The following DISC1 variants were observed in gnomAD, a reference collection of about 807,000 sequenced individuals.
DISC1 encodes the protein disrupted in schizophrenia 1 protein.
A neutral mutation model predicts 84.5 loss-of-function variants in DISC1; 57 were observed. The observed-to-expected ratio is 0.67, with a 90% CI of 0.55 to 0.84. DISC1 has a LOEUF of 0.84. Among genes scored for constraint, DISC1 ranks in the 40% least tolerant of loss-of-function variants. The pLI is 0.00. For missense variants in DISC1, 1,000 were observed against 1,057.8 expected, an observed-to-expected ratio of 0.95 and a Z score of 0.76; for synonymous variants, 411 against 415.2, an observed-to-expected ratio of 0.99 and a Z score of 0.12.
chr1:232,005,117 A>G (rs1229394650), intron 10 of DISC1, among the ~76,000 whole-genome samples: 1 of 82,698 alleles, frequency 1.2e-5, no homozygotes, highest in East Asian at 3.0e-4. Flanking sequence ...TTCTTATTAT[A>G]TTTTCTTTCT....
intron 10 of DISC1, among the ~76,000 whole-genome samples, chr1:231,973,629 G>A (rs538893730): frequency 2.0e-5 from 3 of 152,314 alleles, no homozygotes; most frequent in South Asian, 4.1e-4. Flanking sequence ...TGTCTTGTCC[G>A]TGGCAGTCCT....
rs1022126059 is a variant in DISC1, at chr1:231,693,892, A to G, written c.134A>G (p.Tyr45Cys). Residue 45 changes from tyrosine to cysteine, a missense_variant, in exon 2 of 13, where the codon TAC becomes TGC. Coordinates refer to ENST00000439617, the MANE Select transcript of DISC1 (RefSeq NM_018662.3). ...RRRRLARRPG[Y>C]MRSSTGPGIG... ...CGGCGGCTGGCACGGAGGCCGGGCT[A>G]CATGAGAAGCTCGACAGGGCCTGGG... 4.3e-6 allele frequency: 7 copies of G among 1,614,046 alleles called. No homozygotes were observed. Among genetic ancestry groups the G allele is most frequent in the East Asian group, 2.2e-5 (1 of 44,892 alleles).
chr1:231,980,498 A>C (rs954892671), intron 10 of DISC1, among the ~76,000 whole-genome samples: 5 of 152,210 alleles, frequency 3.3e-5, no homozygotes, highest in African/African-American at 1.2e-4. Context: ...AACAACAGTC[A>C]TAATTAATTG....
At chr1:231,980,812 C>T (rs1236207337) in intron 10 of DISC1, among the ~76,000 whole-genome samples, 2 of 152,094 alleles carry the variant, frequency 1.3e-5, no homozygotes, top group Non-Finnish European at 2.9e-5. Context: ...TCCTGGGGTC[C>T]TTTTTTTGAG....
At chr1:231,738,508 A>C (rs1468758173) in intron 3 of DISC1, among the ~76,000 whole-genome samples, 1 of 152,136 alleles carries the variant, frequency 6.6e-6, no homozygotes, top group Non-Finnish European at 1.5e-5. Context: ...GGTTCAGGTC[A>C]TGCAACCCTA....
intron 9 of DISC1, among the ~76,000 whole-genome samples, chr1:231,918,088 G>C (rs1198156107): frequency 6.6e-6 from 1 of 152,240 alleles, no homozygotes; most frequent in Non-Finnish European, 1.5e-5. Context: ...CAGGGTCTGT[G>C]GAGTGGTGTG....
At chr1:231,803,145 C>T (rs2079409140) in intron 8 of DISC1, among the ~76,000 whole-genome samples, 1 of 152,110 alleles carries the variant, frequency 6.6e-6, no homozygotes, top group African/African-American at 2.4e-5. Context: ...TGGGAGAATC[C>T]ACACCCAAGA....
chr1:231,717,495 C>G (rs201853220), intron 3 of DISC1, among the ~76,000 whole-genome samples: 30 of 152,174 alleles, frequency 2.0e-4, no homozygotes, highest in African/African-American at 2.2e-4. Context: ...CTGACTCTGT[C>G]TCACTGAGCC....
rs1553418884 is a variant in DISC1 at position 232,002,640 on chromosome 1, A to AC, written c.2043-6145_2043-6144insC. Among the ~76,000 whole-genome samples, 607 of 120,084 alleles carry AC rather than the reference A, an allele frequency of 5.1e-3. 4 individuals are homozygous for AC. Among genetic ancestry groups the AC allele is most frequent in the Non-Finnish European group, 7.3e-3 (429 of 59,086 alleles). 78.8% of individuals were successfully genotyped at this position (120,084 alleles called of 152,430 possible). A position where few individuals can be genotyped will look rare whatever the true frequency, so the allele number is the denominator to read the frequency against. Reference sequence around the variant, plus strand: ...ACACACACACACACACACACACACAAAAGCCAATCCCTTAAGGTATCTACT... The same window carrying AC: ...ACACACACACACACACACACACACAACAAGCCAATCCCTTAAGGTATCTACT... On this transcript the variant is annotated intron_variant, in intron 10 of 12. Transcript: ENST00000439617.
Position 232,009,250 on chromosome 1 carries a change from AC to A in DISC1, c.2307+204del. On this transcript the variant is annotated intron_variant, in intron 11 of 12. Transcript: ENST00000439617. The surrounding 1 kb of genome is among the most constrained non-coding windows in gnomAD (Gnocchi z 4.6). ...GTTTGAAATATAGAAGAGCAAAAAAACCCAACTTTTGGCATATTTAGTTCCA... is the reference window on the plus strand; with the variant it reads ...GTTTGAAATATAGAAGAGCAAAAAAACCAACTTTTGGCATATTTAGTTCCA... 1 of 1,381,344 alleles carries A rather than the reference AC, an allele frequency of 7.2e-7. No individual in the cohort carries two copies. Among genetic ancestry groups the A allele is most frequent in the South Asian group, 1.7e-5 (1 of 59,664 alleles). 85.6% of individuals were successfully genotyped at this position (1,381,344 alleles called of 1,614,324 possible).
intron 3 of DISC1, chr1:231,721,205 G>C: frequency 1.1e-6 from 1 of 901,698 alleles, no homozygotes; most frequent in Non-Finnish European, 1.5e-6. Context: ...ATTGAAAGGA[G>C]CTATGTCAAC....
At chr1:231,806,802 A>T (rs2079760485) in intron 8 of DISC1, among the ~76,000 whole-genome samples, 1 of 152,212 alleles carries the variant, frequency 6.6e-6, no homozygotes, top group Non-Finnish European at 1.5e-5. Context: ...TCTGCCCAGG[A>T]CTTGATGGCT....
chr1:231,915,179 T>G (rs1347833641), intron 9 of DISC1, among the ~76,000 whole-genome samples: 1 of 151,616 alleles, frequency 6.6e-6, no homozygotes, highest in East Asian at 1.9e-4. Context: ...TATACCTGAG[T>G]TTTTTTTTCT....
At position 232,009,033 on chromosome 1, in the gene DISC1, G is replaced by A. The variant is rs372827112; in HGVS notation, c.2291G>A (p.Gly764Glu). 7.4e-6 allele frequency: 12 copies of A among 1,613,748 alleles called. No homozygotes were observed. The African/African-American group carries it at 1.6e-4, about 22-fold the overall frequency. ...CTCATCCCCTCTCTGCACTGTGCTG[G>A]AGGTGAACAGAAAGAGGTCTGTCCT... The part of the protein sequence containing the change: ...THLIPSLHCA[G>E]GEQKEESYIL... Residue 764 changes from glycine (G) to glutamate (E), a missense_variant, in exon 11 of 13, where the codon GGA becomes GAA. This residue lies in a region of DISC1 where 397 missense variants were observed against 377.5 expected (regional missense o/e 1.05). Coordinates refer to ENST00000439617, the MANE Select transcript of DISC1 (RefSeq NM_018662.3). The surrounding 1 kb of genome is among the most constrained non-coding windows in gnomAD (Gnocchi z 4.6).
intron 3 of DISC1, chr1:231,723,513 G>GT (rs1422109624): frequency 8.1e-6 from 8 of 985,466 alleles, no homozygotes; most frequent in Non-Finnish European, 9.6e-6. Context: ...CAGTCCTGTG[G>GT]TTACATCAAA....
Position 231,697,606 on chromosome 1 carries a change from ATTTTTTTTT to A in DISC1, c.1047+2814_1047+2822del, listed in dbSNP as rs113034860. ...AGGCGCATGCCACCATGCCTGGCTA[ATTTTTTTTT>A]TTTTTTTTTTTTGGGTAGAGATGAG... On this transcript the variant is annotated intron_variant, in intron 2 of 12. Coordinates refer to ENST00000439617, the MANE Select transcript of DISC1 (RefSeq NM_018662.3). Among the ~76,000 whole-genome samples, 228 of 127,966 alleles carry A rather than the reference ATTTTTTTTT, an allele frequency of 1.8e-3. 1 individual carries two copies. The highest frequency in any genetic ancestry group is 0.011 in the East Asian group (48 of 4,374). 84.0% of individuals were successfully genotyped at this position (127,966 alleles called of 152,430 possible).
At chr1:231,836,539 A>G (rs2082641599) in intron 9 of DISC1, among the ~76,000 whole-genome samples, 1 of 152,240 alleles carries the variant, frequency 6.6e-6, no homozygotes, top group Admixed American at 6.5e-5. Context: ...ATCATAAATC[A>G]TAAGAAATTT....
chr1:231,944,675 G>A (rs764739313), intron 9 of DISC1, among the ~76,000 whole-genome samples: 6 of 152,098 alleles, frequency 3.9e-5, no homozygotes, highest in African/African-American at 4.8e-5. Flanking sequence ...TACCCTTAAC[G>A]CAGCAAGCCC....
rs2060492759 is a variant in DISC1 at position 231,650,159 on chromosome 1, G to T, written c.67+23225G>T. Among the ~76,000 whole-genome samples, 5 of 152,192 alleles carry T rather than the reference G, an allele frequency of 3.3e-5. No individual in the cohort carries two copies. In the South Asian group the frequency reaches 1.0e-3, roughly 31 times the overall value. On this transcript the variant is annotated intron_variant, in intron 1 of 12. Transcript: ENST00000439617. The stretch of plus-strand genomic sequence containing the variant: ...GTTGATGCAGTTTCTTCCTAGCATT[G>T]ATGGTCTTTACAGTTTGGCATGTTT...
Sources: gnomAD v4.1 joint callset for allele counts (sites outside exome capture counted in the v4.1 genomes callset) on GRCh38, gnomAD v4.1.1 for gene constraint, gnomAD v4.1.1 regional missense constraint, Gnocchi (gnomAD v3.1) non-coding constraint, MANE v1.5 for transcripts, NCBI Gene and HGNC (gene_info 2026-07-23, HGNC 2026-07-21) for gene names.